Variants in PRDM1 observed in about 807,000 individuals in gnomAD.
PRDM1 encodes the protein PR domain zinc finger protein 1.
Under a neutral mutation model 62.8 loss-of-function variants are expected in PRDM1, and 13 were observed. That is an observed-to-expected ratio of 0.21 (90% confidence interval 0.13 to 0.33). The LOEUF is 0.33. Ranked by LOEUF, PRDM1 falls within the 10% of genes least tolerant of loss-of-function variation. PRDM1 has a pLI of 1.00. For missense variants in PRDM1, 895 were observed against 1,058.8 expected, an observed-to-expected ratio of 0.85 and a Z score of 2.15; for synonymous variants, 396 against 417.6, an observed-to-expected ratio of 0.95 and a Z score of 0.63.
intron 1 of PRDM1, among the ~76,000 whole-genome samples, chr6:106,006,408 A>T (rs1293382714): frequency 6.7e-6 from 1 of 148,466 alleles, no homozygotes. Context: ...ATGAGCTTGC[A>T]ATTATGAGAA....
At position 105,994,164 on chromosome 6, in the gene PRDM1, G is replaced by T. The variant is rs768928243; in HGVS notation, c.-67+525G>T. Among the ~76,000 whole-genome samples, 21 of 151,806 alleles carry T rather than the reference G, an allele frequency of 1.4e-4. No homozygotes were observed. Among genetic ancestry groups the T allele is most frequent in the Non-Finnish European group, 2.6e-4 (18 of 67,940 alleles). ...GAGCCCGCGCTGCTGGGCTGGGCTC[G>T]GGTGCCGCGCTGGGGACGCCGCATC... On this transcript the variant is annotated intron_variant, in intron 1 of 6. Transcript: ENST00000652320. The surrounding 1 kb of genome is among the most constrained non-coding windows in gnomAD (Gnocchi z 4.1).
chr6:106,062,652 G>A (rs901632352), intron 1 of PRDM1, among the ~76,000 whole-genome samples: 13 of 152,172 alleles, frequency 8.5e-5, no homozygotes, highest in African/African-American at 2.9e-4. Flanking sequence ...CTTTCAAAGC[G>A]TTTTCCAACA....
chr6:106,088,398 G>A lies in PRDM1; in HGVS notation c.240G>A (p.Glu80=), dbSNP rs1684667962. The A allele has an allele frequency of 1.9e-6, 3 of 1,614,060 alleles. No individual in the cohort carries two copies. Among genetic ancestry groups the A allele is most frequent in the Non-Finnish European group, 2.5e-6 (3 of 1,180,052 alleles). Residue 80 remains glutamate (E), a synonymous_variant, in exon 2 of 7, where the codon GAG becomes GAA. Transcript: ENST00000369096. ...ATGGCGGTACTTCGGTTCAGGCGGA[G>A]GCATCCTTACCAAGGAATCTGCTTT... ...GADGGTSVQA[E]ASLPRNLLFK...
At chr6:106,091,666 G>A (rs1343440967) in intron 2 of PRDM1, among the ~76,000 whole-genome samples, 2 of 152,106 alleles carry the variant, frequency 1.3e-5, no homozygotes, top group African/African-American at 2.4e-5. Flanking sequence ...TGTAATCCCA[G>A]CTACCTGAGA....
chr6:106,096,520 G>T (rs954766856), intron 3 of PRDM1, among the ~76,000 whole-genome samples: 1 of 152,218 alleles, frequency 6.6e-6, no homozygotes, highest in Non-Finnish European at 1.5e-5. Context: ...TGAGGGGAAT[G>T]GAGGACCACA....
intron 1 of PRDM1, among the ~76,000 whole-genome samples, chr6:106,066,439 T>G (rs1216665763): frequency 2.6e-5 from 4 of 152,184 alleles, no homozygotes; most frequent in Non-Finnish European, 5.9e-5. Context: ...TTTAATCAAG[T>G]AGGCAGTTTT....
At chr6:106,020,991 C>T (rs776592339) in intron 1 of PRDM1, among the ~76,000 whole-genome samples, 56 of 152,136 alleles carry the variant, frequency 3.7e-4, no homozygotes, top group Non-Finnish European at 6.3e-4. Context: ...CTTTCATTTT[C>T]TTGGTATGGA....
chr6:106,062,084 TG>T lies in PRDM1; in HGVS notation c.-67+13371del, dbSNP rs200729438. ...CATCAGTGTTGCAGAGCAAGTGGGA[TG>T]TATCTATTTAAAATTGTAAAAAAAT... On this transcript the variant is annotated intron_variant, in intron 1 of 6. Transcript: ENST00000651185. 8.5e-5 allele frequency among the ~76,000 whole-genome samples: 13 copies of T among 152,350 alleles called. No homozygotes were observed. The East Asian group carries it at 2.5e-3, about 29-fold the overall frequency.
chr6:106,024,728 A>G (rs1267721097), intron 1 of PRDM1, among the ~76,000 whole-genome samples: 1 of 152,134 alleles, frequency 6.6e-6, no homozygotes, highest in African/African-American at 2.4e-5. Flanking sequence ...GGCTTTTAAC[A>G]CTGATTTTAT....
chr6:106,099,383 A>G lies in PRDM1; in HGVS notation c.495A>G (p.Ala165=). 6.2e-7 allele frequency: 1 copy of G among 1,614,170 alleles called. No homozygotes were observed. Among genetic ancestry groups the G allele is most frequent in the Non-Finnish European group, 8.5e-7 (1 of 1,180,032 alleles). The change falls in exon 4 of 7, where the codon GCA becomes GCG. Residue 165 remains alanine, a synonymous_variant. Transcript: ENST00000369096. ...KSNWMRYVNP[A]HSPREQNLAA... The stretch of plus-strand genomic sequence containing the variant: ...ACTGGATGCGCTATGTGAATCCAGC[A>G]CACTCTCCCCGGGAGCAAAACCTGG...
At chr6:106,059,921 T>C (rs915005145) in intron 1 of PRDM1, among the ~76,000 whole-genome samples, 3 of 152,072 alleles carry the variant, frequency 2.0e-5, no homozygotes, top group East Asian at 3.9e-4. Context: ...ATCACTGAGA[T>C]TGGAAGATAT....
upstream of PRDM1, among the ~76,000 whole-genome samples, chr6:106,081,934 T>C (rs533765654): frequency 2.2e-4 from 34 of 152,326 alleles, 1 homozygote; most frequent in South Asian, 6.2e-3. Flanking sequence ...TTAAGCCAAC[T>C]GGTCCTCCCT....
At chr6:106,068,347 C>T (rs1773464778) in intron 1 of PRDM1, among the ~76,000 whole-genome samples, 1 of 152,192 alleles carries the variant, frequency 6.6e-6, no homozygotes, top group African/African-American at 2.4e-5. Context: ...CTGCCTTGGC[C>T]TCCCAAAGTG....
chr6:106,031,282 A>C (rs1015404173), intron 1 of PRDM1, among the ~76,000 whole-genome samples: 7 of 152,306 alleles, frequency 4.6e-5, no homozygotes, highest in East Asian at 3.9e-4. Context: ...GTAAATGGAC[A>C]CCTTTTAAAT....
intron 4 of PRDM1, among the ~76,000 whole-genome samples, chr6:106,101,061 G>A (rs911335010): frequency 6.6e-6 from 1 of 152,096 alleles, no homozygotes; most frequent in Non-Finnish European, 1.5e-5. Flanking sequence ...AACGACAAAT[G>A]CACAGGCACA....
At position 106,105,164 on chromosome 6, in the gene PRDM1, C is replaced by T. The variant is rs1774422121; in HGVS notation, c.1004C>T (p.Pro335Leu). The T allele has an allele frequency of 1.2e-6, 2 of 1,613,196 alleles. No homozygotes were observed. Among genetic ancestry groups the T allele is most frequent in the Non-Finnish European group, 1.7e-6 (2 of 1,179,652 alleles). ...TRSPIPSSTT[P>L]SPSARSSPDQ... ...TCCCCCATTCCATCCTCCACCACTC[C>T]AAGCCCCTCTGCAAGAAGCAGCCCC... The change falls in exon 5 of 7, where the codon CCA becomes CTA. Residue 335 changes from proline (P) to leucine (L), a missense_variant. Coordinates refer to ENST00000369096, the MANE Select transcript of PRDM1 (RefSeq NM_001198.4).
intron 1 of PRDM1, among the ~76,000 whole-genome samples, chr6:105,999,306 C>T (rs927497651): frequency 1.3e-5 from 2 of 151,516 alleles, no homozygotes; most frequent in African/African-American, 4.9e-5. Context: ...CTTGTAATTC[C>T]AGCACTTTGG....
In PRDM1 at chr6:106,107,006, C is replaced by G. The variant is rs995211981; in HGVS notation, c.1998C>G (p.Ala666=). The G allele has an allele frequency of 5.6e-6, 9 of 1,614,064 alleles. No homozygotes were observed. The highest frequency in any genetic ancestry group is 7.6e-6 in the Non-Finnish European group (9 of 1,180,036). The change falls in exon 7 of 7, where the codon GCC becomes GCG. Residue 666 remains alanine, a synonymous_variant. Coordinates refer to ENST00000369096, the MANE Select transcript of PRDM1 (RefSeq NM_001198.4). The stretch of plus-strand genomic sequence containing the variant: ...CATACCAATGCAAGGTGTGCCCTGC[C>G]AAGTTCACCCAGTTTGTGCACCTGA... ...EKPYQCKVCP[A]KFTQFVHLKL... is the part of the protein sequence containing the mutation.
rs1040706312 is a variant in PRDM1, at chr6:106,107,590, C to T, written c.*104C>T. 6 of 1,038,386 alleles carry T rather than the reference C, an allele frequency of 5.8e-6. No homozygotes were observed. The highest frequency in any genetic ancestry group is 1.8e-5 in the South Asian group (1 of 54,572). 64.3% of individuals were successfully genotyped at this position (1,038,386 alleles called of 1,614,324 possible). On this transcript the variant is annotated 3_prime_UTR_variant, in exon 7 of 7. Transcript: ENST00000369096. ...TAATCCCAGCTCTGCAAAGCTCTCT[C>T]GACAGCAAATGGTTTCCCCTCACCT...
Sources: allele counts gnomAD v4.1 joint callset (sites outside exome capture counted in the v4.1 genomes callset), GRCh38; gene constraint gnomAD v4.1.1; non-coding constraint Gnocchi (gnomAD v3.1); transcripts MANE v1.5; gene names NCBI Gene and HGNC (gene_info 2026-07-23, HGNC 2026-07-21).